The following NAV1 variants were observed in gnomAD, a reference collection of about 807,000 sequenced individuals.
The protein encoded by NAV1 is neuron navigator 1, also known as pore membrane and/or filament interacting like protein 3.
NAV1 carries 18 observed loss-of-function variants against 175.2 expected under a neutral mutation model. The observed-to-expected ratio is 0.10, with a 90% CI of 0.07 to 0.15. The LOEUF (loss-of-function observed/expected upper bound fraction) is 0.15, where lower values mean the gene tolerates loss of function less well. NAV1 is among the 10% of genes least tolerant of loss of function. The pLI, the probability that NAV1 is intolerant of heterozygous loss-of-function variation, is 1.00. For synonymous variants in NAV1, 897 were observed against 978.7 expected (o/e 0.92, Z 1.56); for missense variants, 1,731 against 2,436.6 (o/e 0.71, Z 6.10).
chr1:201,682,118 A>C lies in NAV1; in HGVS notation c.758-30699A>C, dbSNP rs1387083607. Among the ~76,000 whole-genome samples the C allele has an allele frequency of 3.1e-3, 468 of 149,638 alleles. 2 individuals are homozygous for C. Among genetic ancestry groups the C allele is most frequent in the African/African-American group, 0.011 (441 of 40,560 alleles). On this transcript the variant is annotated intron_variant, in intron 1 of 29. Coordinates refer to ENST00000367296, the Ensembl canonical transcript of NAV1. ...GTGACAGAGTGAGACTCCATCTCAAAAAAAAAAAAAAAAAAAAATCAGCCA... is the reference window on the plus strand; with the variant it reads ...GTGACAGAGTGAGACTCCATCTCAACAAAAAAAAAAAAAAAAAATCAGCCA...
At position 201,539,311 on chromosome 1, in the gene NAV1, C is replaced by T. The variant is rs796961918; in HGVS notation, c.-175C>T. 1.3e-4 allele frequency among the ~76,000 whole-genome samples: 20 copies of T among 152,022 alleles called. No homozygotes were observed. Among genetic ancestry groups the T allele is most frequent in the African/African-American group, 4.8e-4 (20 of 41,542 alleles). ...TGCGCGACTCTGCGCGGCTGCGGCG[C>T]GGACCCGGAGCCCGGGCGGGCAGGC... is the stretch of plus-strand genomic sequence containing the variant. On this transcript the variant is annotated 5_prime_UTR_variant, in exon 1 of 34. Coordinates refer to the NAV1 transcript ENST00000685211. This position sits in a 1 kb window ranked among gnomAD's most constrained non-coding sequence, Gnocchi z 5.6.
chr1:201,731,323 T>A (rs1379920657), intron 3 of NAV1, among the ~76,000 whole-genome samples: 1 of 151,844 alleles, frequency 6.6e-6, no homozygotes, highest in Admixed American at 6.6e-5. Context: ...ATCGACTGTT[T>A]GAGGACACAG....
chr1:201,679,275 C>T lies in NAV1; in HGVS notation c.757+29850C>T, dbSNP rs755153581. Among the ~76,000 whole-genome samples the T allele has an allele frequency of 8.5e-4, 129 of 152,150 alleles. 1 individual carries two copies. The highest frequency in any genetic ancestry group is 1.6e-3 in the Non-Finnish European group (108 of 68,038). ...TGCTTGGAGAACCAGAAACCCTGGT[C>T]CTCTAATTACCGGTGTGCATCTGGG... On this transcript the variant is annotated intron_variant, in intron 1 of 29. Coordinates refer to ENST00000367296, the Ensembl canonical transcript of NAV1.
chr1:201,546,953 T>C (rs1284320224), intron 1 of NAV1, among the ~76,000 whole-genome samples: 1 of 151,318 alleles, frequency 6.6e-6, no homozygotes, highest in Non-Finnish European at 1.5e-5. Context: ...ACTTAACCCT[T>C]CAACACTTAA....
chr1:201,629,434 C>T (rs995245914), exon 2 of NAV1: 1 of 1,304,130 alleles, frequency 7.7e-7, no homozygotes, highest in South Asian at 1.2e-5. Context: ...CTGGCCCCCT[C>T]TCCCAGGGCA....
intron 1 of NAV1, among the ~76,000 whole-genome samples, chr1:201,709,145 C>CAAAA (rs1303364669): frequency 6.9e-5 from 10 of 144,010 alleles, no homozygotes; most frequent in South Asian, 2.2e-4. Flanking sequence ...ACCCTGTCTC[C>CAAAA]AAAAAAAAAA....
intron 3 of NAV1, among the ~76,000 whole-genome samples, chr1:201,728,284 G>C (rs1672693571): frequency 6.6e-6 from 1 of 151,976 alleles, no homozygotes; most frequent in Admixed American, 6.6e-5. Context: ...ACCACACTTG[G>C]CTAGTATTTA....
At chr1:201,777,144 C>T (rs1676004573) in intron 3 of NAV1, among the ~76,000 whole-genome samples, 1 of 152,134 alleles carries the variant, frequency 6.6e-6, no homozygotes, top group African/African-American at 2.4e-5. Context: ...CCAAAGCACC[C>T]CTTTTCAGAA....
chr1:201,759,295 T>C (rs956519859), intron 3 of NAV1, among the ~76,000 whole-genome samples: 3 of 152,166 alleles, frequency 2.0e-5, no homozygotes, highest in African/African-American at 7.2e-5. Flanking sequence ...GTGCATTAGT[T>C]AGTGAAGAAG....
intron 1 of NAV1, among the ~76,000 whole-genome samples, chr1:201,551,625 A>G (rs532953945): frequency 6.6e-6 from 1 of 152,218 alleles, no homozygotes; most frequent in African/African-American, 2.4e-5. Context: ...TTACTTTGCT[A>G]TCACATTTAT....
intron 1 of NAV1, among the ~76,000 whole-genome samples, chr1:201,695,157 G>C (rs75717748): frequency 0.031 from 4,651 of 152,240 alleles, 185 homozygotes; most frequent in East Asian, 0.092. Flanking sequence ...AGGCCTCTTG[G>C]CCCCCCTGGA....
intron 3 of NAV1, among the ~76,000 whole-genome samples, chr1:201,741,537 TC>T (rs1433847439): frequency 6.6e-6 from 1 of 152,022 alleles, no homozygotes; most frequent in Non-Finnish European, 1.5e-5. Context: ...CCTCCTCTCC[TC>T]CCTCCACCTC....
intron 1 of NAV1, among the ~76,000 whole-genome samples, chr1:201,675,956 C>T (rs1000090970): frequency 2.0e-5 from 3 of 152,190 alleles, no homozygotes; most frequent in African/African-American, 4.8e-5. Flanking sequence ...ATCCCAAGCC[C>T]CAGTTTCCCC....
chr1:201,690,657 C>T (rs374046750), intron 1 of NAV1, among the ~76,000 whole-genome samples: 8 of 126,278 alleles, frequency 6.3e-5, no homozygotes, highest in South Asian at 2.7e-4. Context: ...TGTGGCAGAG[C>T]GCTGGCTATT....
chr1:201,718,390 C>A lies in NAV1; in HGVS notation c.861C>A (p.Ser287Arg). Reference sequence around the variant, plus strand: ...GTAGTGCCTTCTGCTCTCCACCCAGCTCCCTGGAGATGACCTGCTACGACA... The same window carrying A: ...GTAGTGCCTTCTGCTCTCCACCCAGATCCCTGGAGATGACCTGCTACGACA... The change falls in exon 3 of 30, where the codon AGC (serine) becomes AGA (arginine). Residue 287 changes from serine (S) to arginine (R), a missense_variant and splice_region_variant. By Grantham distance (110) the Ser-to-Arg change is moderately radical (BLOSUM62 -1). Around this residue, in one of 13 missense-constraint regions of NAV1, gnomAD observed 487 missense variants for 581.3 expected, o/e 0.84. Coordinates refer to ENST00000367296, the Ensembl canonical transcript of NAV1. This position sits in a 1 kb window ranked among gnomAD's most constrained non-coding sequence, Gnocchi z 4.8. 1 of 1,534,750 alleles carries A rather than the reference C, an allele frequency of 6.5e-7. No individual in the cohort carries two copies. The highest frequency in any genetic ancestry group is 8.8e-7 in the Non-Finnish European group (1 of 1,136,058).
chr1:201,685,897 A>G (rs1670666867), intron 1 of NAV1, among the ~76,000 whole-genome samples: 1 of 152,228 alleles, frequency 6.6e-6, no homozygotes, highest in Admixed American at 6.5e-5. Flanking sequence ...TGATGGATAC[A>G]TGGGAAACTC....
At position 201,811,521 on chromosome 1, in the gene NAV1, A is replaced by G; in HGVS notation, c.4798-82A>G. On this transcript the variant is annotated intron_variant, in intron 24 of 29. Transcript: ENST00000367296. ...GCCCCAGGGGAATCTAGATCTAGTAAGACTTCTTCAAAATCCTGATTTCCA... is the reference window on the plus strand; with the variant it reads ...GCCCCAGGGGAATCTAGATCTAGTAGGACTTCTTCAAAATCCTGATTTCCA... The G allele has an allele frequency of 2.6e-6, 4 of 1,548,184 alleles. No homozygotes were observed. In the South Asian group the frequency reaches 3.4e-5, roughly 13 times the overall value.
intron 15 of NAV1, among the ~76,000 whole-genome samples, chr1:201,802,603 A>AC (rs1175951739): frequency 3.3e-5 from 5 of 151,652 alleles, no homozygotes; most frequent in Non-Finnish European, 5.9e-5. Context: ...ACATGGTGAA[A>AC]CCCCGTCTCT....
intron 1 of NAV1, among the ~76,000 whole-genome samples, chr1:201,679,403 A>T (rs1373943458): frequency 6.6e-6 from 1 of 151,336 alleles, no homozygotes; most frequent in Non-Finnish European, 1.5e-5. Flanking sequence ...ACCCCTGAGG[A>T]CCCCCTCTGC....
Sources: gnomAD v4.1 joint callset for allele counts (sites outside exome capture counted in the v4.1 genomes callset) on GRCh38, gnomAD v4.1.1 for gene constraint, gnomAD v4.1.1 regional missense constraint, Gnocchi (gnomAD v3.1) non-coding constraint, MANE v1.5 for transcripts, NCBI Gene and HGNC (gene_info 2026-07-23, HGNC 2026-07-21) for gene names.